TRIM33: variants seen among roughly 807,000 people sequenced by gnomAD.
TRIM33 encodes the protein E3 ubiquitin-protein ligase TRIM33.
A neutral mutation model predicts 125.4 loss-of-function variants in TRIM33; 20 were observed. The ratio of observed to expected loss-of-function variants is 0.16; its 90% CI spans 0.11 to 0.23. The LOEUF (loss-of-function observed/expected upper bound fraction) is 0.23, where lower values mean the gene tolerates loss of function less well. TRIM33 is among the 10% of genes least tolerant of loss of function. TRIM33 has a pLI of 1.00. For synonymous variants in TRIM33, 564 were observed against 513.9 expected (o/e 1.10, Z -1.32); for missense variants, 920 against 1,411.4 (o/e 0.65, Z 5.58).
chr1:114,451,709 T>A (rs2101309998), intron 4 of TRIM33, among the ~76,000 whole-genome samples: 1 of 152,338 alleles, frequency 6.6e-6, no homozygotes, highest in African/African-American at 2.4e-5. Flanking sequence ...TGTTATTGAG[T>A]GCTTACTATG....
chr1:114,493,112 T>C (rs1022878118), intron 1 of TRIM33, among the ~76,000 whole-genome samples: 1 of 152,206 alleles, frequency 6.6e-6, no homozygotes, highest in Non-Finnish European at 1.5e-5. Context: ...TGAAGTGGTA[T>C]CTCCTTGTGG....
At chr1:114,406,527 T>C (rs539004659) in intron 14 of TRIM33, among the ~76,000 whole-genome samples, 12 of 152,176 alleles carry the variant, frequency 7.9e-5, no homozygotes, top group Admixed American at 1.3e-4. Context: ...AAACTTCCTA[T>C]CACAAAACTC....
At chr1:114,509,928 C>A (rs1340496648) in intron 1 of TRIM33, among the ~76,000 whole-genome samples, 2 of 152,146 alleles carry the variant, frequency 1.3e-5, no homozygotes, top group Non-Finnish European at 2.9e-5. Context: ...CTTCAAAGTT[C>A]ATTTCTCCTT....
intron 4 of TRIM33, among the ~76,000 whole-genome samples, chr1:114,438,927 A>C (rs1648476220): frequency 6.6e-6 from 1 of 152,228 alleles, no homozygotes. Flanking sequence ...CAACCATAAG[A>C]GTTCAGGAAA....
chr1:114,439,557 GTGAAAAGTCA>G (rs1648528020), intron 4 of TRIM33, among the ~76,000 whole-genome samples: 1 of 146,150 alleles, frequency 6.8e-6, no homozygotes, highest in African/African-American at 2.5e-5. Flanking sequence ...ACAGTGAGCA[GTGAAAAGTCA>G]TTAGTACATT....
Position 114,407,145 on chromosome 1 carries a change from G to A in TRIM33, c.2259-45C>T, listed in dbSNP as rs201048649. On this transcript the variant is annotated intron_variant, in intron 13 of 19. Transcript: ENST00000358465. ...AAAGATCACATACGTTTGACTATAT[G>A]GTATAAATAAAAACAATTATATGAA... The A allele has an allele frequency of 2.7e-6, 4 of 1,506,692 alleles. No homozygotes were observed. The African/African-American group carries it at 4.2e-5, about 16-fold the overall frequency. The allele number at this position is 1,506,692 out of a possible 1,614,324, so 93.3% of individuals were successfully genotyped here.
At position 114,427,230 on chromosome 1, in the gene TRIM33, G is replaced by A; in HGVS notation, c.1367C>T (p.Ala456Val). ...RCDPVPAANG[A>V]IRFHCDPTFW... is the part of the protein sequence containing the mutation. ...GGTGGGATCACAATGGAAACGTATTGCTCCATTAGCAGCAGGGACAGGATC... is the reference window on the plus strand; with the variant it reads ...GGTGGGATCACAATGGAAACGTATTACTCCATTAGCAGCAGGGACAGGATC... Residue 456 changes from alanine to valine, a missense_variant, in exon 8 of 20, where the codon GCA becomes GTA. Around this residue, in one of 8 missense-constraint regions of TRIM33, gnomAD observed 407 missense variants for 589.7 expected, o/e 0.69. Coordinates refer to ENST00000358465, the MANE Select transcript of TRIM33 (RefSeq NM_015906.4). 6.2e-7 allele frequency: 1 copy of A among 1,605,966 alleles called. No homozygotes were observed. The highest frequency in any genetic ancestry group is 8.5e-7 in the Non-Finnish European group (1 of 1,174,614).
At chr1:114,460,615 C>T (rs983201162) in intron 4 of TRIM33, among the ~76,000 whole-genome samples, 5 of 131,006 alleles carry the variant, frequency 3.8e-5, no homozygotes, top group African/African-American at 1.4e-4. Context: ...ACCTCTCCTA[C>T]GGTGCTGATG....
chr1:114,462,370 G>T (rs1572084105), intron 4 of TRIM33, among the ~76,000 whole-genome samples: 1 of 152,072 alleles, frequency 6.6e-6, no homozygotes, highest in African/African-American at 2.4e-5. Flanking sequence ...GTTAACCCAA[G>T]TTCTCTTATA....
Position 114,464,276 on chromosome 1 carries a change from T to C in TRIM33, c.639A>G (p.Ser213=), listed in dbSNP as rs763511642. 1.3e-6 allele frequency: 2 copies of C among 1,565,852 alleles called. No homozygotes were observed. Among genetic ancestry groups the C allele is most frequent in the Non-Finnish European group, 1.7e-6 (2 of 1,149,342 alleles). ...SEAPSSSDEK[S]EQVCTSCEDN... is the part of the protein sequence containing the mutation. The stretch of plus-strand genomic sequence containing the variant: ...GAAAAATTGAGAAGCATACCTGTTC[T>C]GATTTTTCATCAGAACTGCTAGGAG... The change falls in exon 2 of 20, where the codon TCA becomes TCG. Residue 213 remains serine (S), a synonymous_variant. Transcript: ENST00000358465.
At chr1:114,408,417 G>C (rs948773869) in intron 13 of TRIM33, among the ~76,000 whole-genome samples, 1 of 152,012 alleles carries the variant, frequency 6.6e-6, no homozygotes, top group East Asian at 1.9e-4. Context: ...TGGTTCTGTG[G>C]TTATAAATTT....
rs1462948493 is a variant in TRIM33 at position 114,393,213 on chromosome 1, T to C, written c.*4435A>G. The C allele has an allele frequency of 4.7e-6, 1 of 213,004 alleles. No individual in the cohort carries two copies. Among genetic ancestry groups the C allele is most frequent in the South Asian group, 1.9e-4 (1 of 5,362 alleles). 13.2% of individuals were successfully genotyped at this position (213,004 alleles called of 1,614,324 possible). Reference sequence around the variant, plus strand: ...AATTTAACCCTTTCGTGTGTAGGTATGTCTACATAAAAAATTAACAGGCTT... The same window carrying C: ...AATTTAACCCTTTCGTGTGTAGGTACGTCTACATAAAAAATTAACAGGCTT... On this transcript the variant is annotated 3_prime_UTR_variant, in exon 20 of 20. Transcript: ENST00000358465.
chr1:114,509,707 T>TTCA (rs1653221337), intron 1 of TRIM33, among the ~76,000 whole-genome samples: 1 of 152,180 alleles, frequency 6.6e-6, no homozygotes, highest in Non-Finnish European at 1.5e-5. Flanking sequence ...TCCTGTGAAA[T>TTCA]TTCCCTGACC....
intron 15 of TRIM33, among the ~76,000 whole-genome samples, chr1:114,403,681 G>T (rs1037219377): frequency 6.6e-6 from 1 of 152,118 alleles, no homozygotes; most frequent in Non-Finnish European, 1.5e-5. Flanking sequence ...GGGATCACAG[G>T]GGCCTGCTAC....
intron 10 of TRIM33, among the ~76,000 whole-genome samples, chr1:114,422,417 AG>A (rs1352685291): frequency 2.0e-5 from 3 of 152,090 alleles, no homozygotes; most frequent in African/African-American, 7.2e-5. Flanking sequence ...CCATGAACTA[AG>A]GGGTACATGA....
chr1:114,477,011 AAAG>A (rs1276220497), intron 1 of TRIM33, among the ~76,000 whole-genome samples: 1 of 152,224 alleles, frequency 6.6e-6, no homozygotes, highest in Non-Finnish European at 1.5e-5. Context: ...AGGCAATGCA[AAAG>A]AAGAAAACTG....
At chr1:114,493,976 C>G (rs1332918413) in intron 1 of TRIM33, among the ~76,000 whole-genome samples, 1 of 152,190 alleles carries the variant, frequency 6.6e-6, no homozygotes, top group Middle Eastern at 3.2e-3. Context: ...AAGCATGCAC[C>G]ACCACGCCCA....
chr1:114,454,252 G>A (rs1375132649), intron 4 of TRIM33, among the ~76,000 whole-genome samples: 1 of 152,110 alleles, frequency 6.6e-6, no homozygotes, highest in Non-Finnish European at 1.5e-5. Context: ...TTAATTCTTG[G>A]ATGGGTACCC....
chr1:114,406,689 A>G (rs1652262505), intron 14 of TRIM33, among the ~76,000 whole-genome samples: 1 of 152,246 alleles, frequency 6.6e-6, no homozygotes, highest in South Asian at 2.1e-4. Context: ...TCATGGGAAG[A>G]ATATTGACTA....
Sources: gnomAD v4.1 joint callset for allele counts (sites outside exome capture counted in the v4.1 genomes callset) on GRCh38, gnomAD v4.1.1 for gene constraint, gnomAD v4.1.1 regional missense constraint, MANE v1.5 for transcripts, NCBI Gene and HGNC (gene_info 2026-07-23, HGNC 2026-07-21) for gene names.